Variants in PDE1A observed in about 807,000 individuals in gnomAD.
PDE1A encodes the protein phosphodiesterase 1A, also known as dual specificity calcium/calmodulin-dependent 3',5'-cyclic nucleotide phosphodiesterase 1A.
PDE1A carries 35 observed loss-of-function variants against 61.7 expected under a neutral mutation model. The ratio of observed to expected loss-of-function variants is 0.57; its 90% CI spans 0.43 to 0.75. The LOEUF is 0.75. PDE1A is among the 30% of genes least tolerant of loss of function. PDE1A has a pLI of 0.00. For missense variants in PDE1A, 597 were observed against 630.6 expected (o/e 0.95, Z 0.57); for synonymous variants, 232 against 213.2 (o/e 1.09, Z -0.77).
At chr2:182,559,915 GCTAACCCATAT>G in the PDE1A span, among the ~76,000 whole-genome samples, 1 of 152,034 alleles carries the variant, frequency 6.6e-6, no homozygotes, top group Non-Finnish European at 1.5e-5. Context: ...AACAGGCAAA[GCTAACCCATAT>G]TTGTAAGAGA....
At chr2:182,607,610 A>AAAAAAGTCT in the PDE1A span, among the ~76,000 whole-genome samples, 26 of 152,366 alleles carry the variant, frequency 1.7e-4, no homozygotes, top group East Asian at 4.4e-3. Flanking sequence ...CGTTTGGTTG[A>AAAAAAGTCT]AAAAAGTCTA....
chr2:182,538,566 A>C, the PDE1A span, among the ~76,000 whole-genome samples: 1 of 152,098 alleles, frequency 6.6e-6, no homozygotes, highest in Non-Finnish European at 1.5e-5. Flanking sequence ...TATAAGGAAA[A>C]TATCTTCATT....
chr2:182,624,363 C>T, the PDE1A span, among the ~76,000 whole-genome samples: 2 of 152,150 alleles, frequency 1.3e-5, no homozygotes, highest in African/African-American at 4.8e-5. Context: ...GAAACAGAAG[C>T]CACCGCATTT....
chr2:182,658,525 T>C, the PDE1A span, among the ~76,000 whole-genome samples: 4 of 152,224 alleles, frequency 2.6e-5, no homozygotes, highest in Admixed American at 6.5e-5. Context: ...CACTTCAACG[T>C]ATCTTTTTAA....
chr2:182,383,194 C>A (rs1700832661), intron 1 of PDE1A, among the ~76,000 whole-genome samples: 1 of 152,166 alleles, frequency 6.6e-6, no homozygotes, highest in Non-Finnish European at 1.5e-5. Flanking sequence ...CTCTTTCTAT[C>A]CAATTTCCAC....
chr2:182,641,976 T>C, the PDE1A span, among the ~76,000 whole-genome samples: 142 of 152,284 alleles, frequency 9.3e-4, 1 homozygote, highest in African/African-American at 3.2e-3. Context: ...TTATTTAAAG[T>C]CACTAGAAAC....
At chr2:182,633,393 C>T in the PDE1A span, among the ~76,000 whole-genome samples, 1 of 152,162 alleles carries the variant, frequency 6.6e-6, no homozygotes, top group Non-Finnish European at 1.5e-5. Flanking sequence ...TTATTCTCCT[C>T]GGACTCCCCA....
intron 1 of PDE1A, among the ~76,000 whole-genome samples, chr2:182,313,341 G>A (rs1696116835): frequency 6.6e-6 from 1 of 152,150 alleles, no homozygotes; most frequent in Non-Finnish European, 1.5e-5. Flanking sequence ...TTGAACCCGG[G>A]AGGCAGGGGC....
intron 1 of PDE1A, among the ~76,000 whole-genome samples, chr2:182,356,079 G>T (rs1351894967): frequency 6.6e-6 from 1 of 152,132 alleles, no homozygotes; most frequent in Non-Finnish European, 1.5e-5. Flanking sequence ...TCTGCTGAGT[G>T]CTGATAATAA....
the PDE1A span, among the ~76,000 whole-genome samples, chr2:182,581,403 T>C: frequency 6.6e-6 from 1 of 152,138 alleles, no homozygotes; most frequent in Non-Finnish European, 1.5e-5. Flanking sequence ...GCAAAAAGGC[T>C]CTGTGCATTC....
the PDE1A span, among the ~76,000 whole-genome samples, chr2:182,641,340 A>G: frequency 6.6e-6 from 1 of 152,166 alleles, no homozygotes; most frequent in Admixed American, 6.5e-5. Flanking sequence ...TAATGTAAAA[A>G]ATATTTTCAA....
chr2:182,563,645 T>TGACAGTGGGGTG, the PDE1A span, among the ~76,000 whole-genome samples: 1 of 152,176 alleles, frequency 6.6e-6, no homozygotes, highest in Non-Finnish European at 1.5e-5. Context: ...TGTCTAATGT[T>TGACAGTGGGGTG]GACAGTGGGG....
chr2:182,201,729 C>T (rs1559176318), exon 9 of PDE1A: 3 of 1,611,144 alleles, frequency 1.9e-6, no homozygotes, highest in Non-Finnish European at 2.5e-6. Flanking sequence ...TTTTAATTTG[C>T]TGGAAGTGAC....
chr2:182,318,257 A>T (rs1248841148), intron 1 of PDE1A, among the ~76,000 whole-genome samples: 1 of 152,100 alleles, frequency 6.6e-6, no homozygotes, highest in African/African-American at 2.4e-5. Context: ...TTGTAACACA[A>T]ATCAAATTAT....
the PDE1A span, among the ~76,000 whole-genome samples, chr2:182,591,544 A>C: frequency 6.6e-6 from 1 of 151,698 alleles, no homozygotes; most frequent in Admixed American, 6.5e-5. Flanking sequence ...ACGATTTCTC[A>C]ACCTTGGCAC....
At chr2:182,230,539 T>C (rs1217813586) in intron 5 of PDE1A, among the ~76,000 whole-genome samples, 1 of 152,186 alleles carries the variant, frequency 6.6e-6, no homozygotes, top group Non-Finnish European at 1.5e-5. Flanking sequence ...GCTCTAAAAA[T>C]GTGATGATTC....
At chr2:182,286,771 T>C (rs951543349) in intron 1 of PDE1A, among the ~76,000 whole-genome samples, 2 of 152,092 alleles carry the variant, frequency 1.3e-5, no homozygotes, top group Non-Finnish European at 2.9e-5. Flanking sequence ...CACATCTAAC[T>C]TTAAGGGAGG....
chr2:182,148,489 G>T (rs901936828), intron 13 of PDE1A, among the ~76,000 whole-genome samples: 1 of 152,174 alleles, frequency 6.6e-6, no homozygotes, highest in Non-Finnish European at 1.5e-5. Context: ...CAGAATTCTT[G>T]CCAAGGACCA....
At chr2:182,604,686 T>C in the PDE1A span, among the ~76,000 whole-genome samples, 1 of 152,316 alleles carries the variant, frequency 6.6e-6, no homozygotes, top group African/African-American at 2.4e-5. Flanking sequence ...ATTTCTGCAT[T>C]TGTTGCTAAT....
Sources: gnomAD v4.1 joint callset for allele counts (sites outside exome capture counted in the v4.1 genomes callset) on GRCh38, gnomAD v4.1.1 for gene constraint, MANE v1.5 for transcripts, NCBI Gene and HGNC (gene_info 2026-07-23, HGNC 2026-07-21) for gene names.